Variants in MTFR1 observed in about 807,000 individuals in gnomAD.
MTFR1 encodes chondrocyte protein with a poly-proline region.
A neutral mutation model predicts 38.8 loss-of-function variants in MTFR1; 28 were observed. The observed-to-expected ratio is 0.72, with a 90% CI of 0.53 to 0.99. MTFR1 has a LOEUF of 0.99. Among genes scored for constraint, MTFR1 ranks in the 50% least tolerant of loss-of-function variants. The pLI is 0.00. For synonymous variants in MTFR1, 145 were observed against 137.0 expected, an observed-to-expected ratio of 1.06 and a Z score of -0.41; for missense variants, 358 against 395.5, an observed-to-expected ratio of 0.91 and a Z score of 0.81.
intron 4 of MTFR1, among the ~76,000 whole-genome samples, chr8:65,699,307 G>A (rs531440550): frequency 6.6e-6 from 1 of 152,312 alleles, no homozygotes; most frequent in East Asian, 1.9e-4. Context: ...GAACACGTGT[G>A]CTTGTGTCCT....
intron 3 of MTFR1, among the ~76,000 whole-genome samples, chr8:65,770,121 C>CTGTG (rs10608556): frequency 0.025 from 3,636 of 146,496 alleles, 54 homozygotes; most frequent in African/African-American, 0.03. Flanking sequence ...CAGTATACTT[C>CTGTG]TGTGTGTGTG....
downstream of MTFR1, among the ~76,000 whole-genome samples, chr8:65,712,911 C>T (rs926174702): frequency 3.7e-4 from 56 of 152,316 alleles, no homozygotes; most frequent in African/African-American, 1.1e-3. Context: ...GTTAAGGGAA[C>T]TTGGGAAATC....
chr8:65,753,676 C>T (rs1456156965), intron 3 of MTFR1, among the ~76,000 whole-genome samples: 1 of 152,096 alleles, frequency 6.6e-6, no homozygotes, highest in African/African-American at 2.4e-5. Context: ...GCTCGATTTC[C>T]TTATTACTCT....
chr8:65,701,055 C>A (rs1253504140), intron 4 of MTFR1, among the ~76,000 whole-genome samples: 1 of 152,210 alleles, frequency 6.6e-6, no homozygotes, highest in Non-Finnish European at 1.5e-5. Flanking sequence ...TACTGCCCCT[C>A]ACATGTGAAC....
At chr8:65,767,645 A>C (rs1218010881) in intron 3 of MTFR1, among the ~76,000 whole-genome samples, 2 of 152,116 alleles carry the variant, frequency 1.3e-5, no homozygotes, top group Non-Finnish European at 2.9e-5. Context: ...GCTGACCTCA[A>C]GAAGCTTTCA....
At chr8:65,749,442 TA>T (rs1807832869) in intron 3 of MTFR1, among the ~76,000 whole-genome samples, 1 of 152,180 alleles carries the variant, frequency 6.6e-6, no homozygotes. Flanking sequence ...TGCAAGTATC[TA>T]AAACAATTAT....
At chr8:65,736,442 T>C (rs188135204) in intron 3 of MTFR1, among the ~76,000 whole-genome samples, 1 of 152,170 alleles carries the variant, frequency 6.6e-6, no homozygotes, top group Admixed American at 6.5e-5. Context: ...ATACTACTTA[T>C]AATTAATACA....
chr8:65,684,865 A>G (rs1481691340), intron 3 of MTFR1, among the ~76,000 whole-genome samples: 1 of 151,592 alleles, frequency 6.6e-6, no homozygotes, highest in Non-Finnish European at 1.5e-5. Flanking sequence ...TTAGCTGGGC[A>G]TGGTGGCAGG....
rs1459913421 is a variant in MTFR1 at position 65,724,683 on chromosome 8, A to C, written c.*48+5202A>C. 35 of 1,092,826 alleles carry C rather than the reference A, an allele frequency of 3.2e-5. No individual in the cohort carries two copies. In the South Asian group the frequency reaches 5.9e-4, roughly 18 times the overall value. 67.7% of individuals were successfully genotyped at this position (1,092,826 alleles called of 1,614,324 possible). A position where few individuals can be genotyped will look rare whatever the true frequency, so the allele number is the denominator to read the frequency against. ...TTCTTTAGCTTGCCCTCAAGATTTA[A>C]CCATTCTGAAAAACTACACTAGAAT... On this transcript the variant is annotated intron_variant, in intron 3 of 3. Coordinates refer to the MTFR1 transcript ENST00000521247.
At chr8:65,689,087 G>A (rs1585781235) in intron 3 of MTFR1, among the ~76,000 whole-genome samples, 1 of 152,302 alleles carries the variant, frequency 6.6e-6, no homozygotes, top group African/African-American at 2.4e-5. Flanking sequence ...GGAGGTTACA[G>A]TGAACTGAGA....
At chr8:65,693,869 C>A in intron 4 of MTFR1, 110 bp downstream of exon 4, 1 of 771,452 alleles carries the variant, frequency 1.3e-6, no homozygotes, top group South Asian at 1.7e-5. Context: ...AGTAATGCAC[C>A]CTCTTCTTTT....
chr8:65,760,024 G>A (rs1289611124), intron 3 of MTFR1, among the ~76,000 whole-genome samples: 1 of 152,110 alleles, frequency 6.6e-6, no homozygotes. Context: ...CAGATCACTT[G>A]AGGTCAGGAG....
Position 65,687,425 on chromosome 8 carries a change from AAGCT to A in MTFR1, c.165+4975_165+4978del, listed in dbSNP as rs537370781. Among the ~76,000 whole-genome samples, 461 of 150,848 alleles carry A rather than the reference AAGCT, an allele frequency of 3.1e-3. 2 individuals carry two copies. The highest frequency in any genetic ancestry group is 0.011 in the African/African-American group (441 of 40,974). On this transcript the variant is annotated intron_variant, in intron 3 of 7. Coordinates refer to ENST00000262146, the MANE Select transcript of MTFR1 (RefSeq NM_014637.4). The stretch of plus-strand genomic sequence containing the variant: ...CAGTGGCACGATCTTGGCTCATTGC[AAGCT>A]CTGCCTCCCAGGTTCACGCCATTCT...
intron 4 of MTFR1, among the ~76,000 whole-genome samples, chr8:65,695,040 A>G (rs542072678): frequency 2.0e-5 from 3 of 152,326 alleles, no homozygotes; most frequent in South Asian, 2.1e-4. Context: ...GTGGAAAGCA[A>G]TATAGAACCT....
intron 3 of MTFR1, chr8:65,682,989 A>G: frequency 1.1e-6 from 1 of 929,728 alleles, no homozygotes; most frequent in South Asian, 5.0e-5. Context: ...ACCGTGAATC[A>G]GGAGAACTTT....
At position 65,761,984 on chromosome 8, in the gene MTFR1, G is replaced by A. The variant is rs115844174; in HGVS notation, c.*49-8963G>A. 6.6e-3 allele frequency among the ~76,000 whole-genome samples: 1,001 copies of A among 152,290 alleles called. 12 individuals carry two copies. The highest frequency in any genetic ancestry group is 0.023 in the African/African-American group (961 of 41,560). On this transcript the variant is annotated intron_variant, in intron 3 of 3. Transcript: ENST00000521247. ...GAGGCCTTTAACAGAAAAGCCTCTG[G>A]CTCTTGAGACCCGACCACTACTTGC...
rs368705060 is a variant in MTFR1, at chr8:65,692,716, CTGTT to C, written c.166-923_166-920del. On this transcript the variant is annotated intron_variant, in intron 3 of 7. Transcript: ENST00000262146. ...AGTTTAGGTAGAGAATTCTGTTCTG[CTGTT>C]TGTTCTTTTGTTCTTTAATGCTTTT... Among the ~76,000 whole-genome samples, 37 of 151,886 alleles carry C rather than the reference CTGTT, an allele frequency of 2.4e-4. 2 individuals carry two copies. In the East Asian group the frequency reaches 7.1e-3, roughly 29 times the overall value.
At chr8:65,749,549 GT>G (rs1807838840) in intron 3 of MTFR1, among the ~76,000 whole-genome samples, 3 of 152,198 alleles carry the variant, frequency 2.0e-5, no homozygotes, top group African/African-American at 7.2e-5. Context: ...TGATGATTAT[GT>G]TTAAACTAGA....
intron 5 of MTFR1, among the ~76,000 whole-genome samples, chr8:65,706,808 T>A (rs1044151153): frequency 1.4e-4 from 22 of 152,302 alleles, no homozygotes; most frequent in Admixed American, 6.5e-4. Context: ...ATCTGGATAG[T>A]TTTGGATTGA....
Sources: gnomAD v4.1 joint callset for allele counts (sites outside exome capture counted in the v4.1 genomes callset) on GRCh38, gnomAD v4.1.1 for gene constraint, MANE v1.5 for transcripts, NCBI Gene and HGNC (gene_info 2026-07-23, HGNC 2026-07-21) for gene names.